Variants in DLAT observed in about 807,000 individuals in gnomAD.
DLAT encodes dihydrolipoamide S-acetyltransferase.
In DLAT, 43 loss-of-function variants were observed where a neutral mutation model predicts 68.0. The observed-to-expected ratio is 0.63, with a 90% confidence interval of 0.50 to 0.81. The LOEUF (loss-of-function observed/expected upper bound fraction) is 0.81, where lower values mean the gene tolerates loss of function less well. DLAT is among the 40% of genes least tolerant of loss of function. The pLI, the probability that DLAT is intolerant of heterozygous loss-of-function variation, is 0.00. For synonymous variants in DLAT, 265 were observed against 288.6 expected, an observed-to-expected ratio of 0.92 and a Z score of 0.83; for missense variants, 745 against 815.4, an observed-to-expected ratio of 0.91 and a Z score of 1.05.
At chr11:112,049,673 TAAC>T (rs1481227796) in intron 10 of DLAT, among the ~76,000 whole-genome samples, 3 of 152,050 alleles carry the variant, frequency 2.0e-5, no homozygotes, top group Non-Finnish European at 2.9e-5. Context: ...TCAATTGAGA[TAAC>T]AATTCATTTT....
chr11:112,040,698 T>C (rs1863009161), intron 7 of DLAT, among the ~76,000 whole-genome samples: 1 of 152,088 alleles, frequency 6.6e-6, no homozygotes, highest in Non-Finnish European at 1.5e-5. Context: ...TCCATCTTAA[T>C]GCCATTTCAG....
chr11:112,039,531 CAGA>C, intron 7 of DLAT, 134 bp downstream of exon 7: 1 of 941,380 alleles, frequency 1.1e-6, no homozygotes. Context: ...ATAATTCCTT[CAGA>C]AGGGAGAAAT....
At chr11:112,031,740 ATTTTTTTT>A (rs35661701) in intron 4 of DLAT, among the ~76,000 whole-genome samples, 1 of 133,500 alleles carries the variant, frequency 7.5e-6, no homozygotes, top group Non-Finnish European at 1.6e-5. Context: ...TGCCCAGCTA[ATTTTTTTT>A]TTTTTTTTTT....
chr11:112,052,472 C>G (rs1555182093), intron 11 of DLAT, among the ~76,000 whole-genome samples: 2 of 152,138 alleles, frequency 1.3e-5, no homozygotes, highest in East Asian at 1.9e-4. Flanking sequence ...CTTGCTAGGA[C>G]AATTCACAGA....
Position 112,064,242 on chromosome 11 carries a change from G to A in DLAT, c.*1707G>A, listed in dbSNP as rs377392036. On this transcript the variant is annotated 3_prime_UTR_variant, in exon 14 of 14. Transcript: ENST00000280346. ...GTTCCCTTGAAAAAAAATAAAAACA[G>A]TTGCCTTCTAATAAACATTGTTGAG... 2 of 1,544,680 alleles carry A rather than the reference G, an allele frequency of 1.3e-6. No individual in the cohort carries two copies. Among genetic ancestry groups the A allele is most frequent in the East Asian group, 4.7e-5 (2 of 42,808 alleles).
At chr11:112,027,448 C>T (rs1293809107) in intron 2 of DLAT, among the ~76,000 whole-genome samples, 20 of 150,452 alleles carry the variant, frequency 1.3e-4, no homozygotes, top group Admixed American at 1.3e-3. Context: ...TCCTCACGTC[C>T]CAGACGATGG....
In DLAT at chr11:112,026,206, G is replaced by A; in HGVS notation, c.288G>A (p.Leu96=). ...TTCTTTTCCTTTTCCAGGTTCCATT[G>A]CCTTCTCTTTCCCCCACAATGCAGG... ...YSLPPHQKVP[L]PSLSPTMQAG... Residue 96 remains leucine (L), a synonymous_variant, in exon 2 of 14, where the codon TTG becomes TTA. Coordinates refer to ENST00000280346, the MANE Select transcript of DLAT (RefSeq NM_001931.5). 2 of 1,609,574 alleles carry A rather than the reference G, an allele frequency of 1.2e-6. No individual in the cohort carries two copies. Among genetic ancestry groups the A allele is most frequent in the Non-Finnish European group, 1.7e-6 (2 of 1,178,034 alleles).
intron 4 of DLAT, among the ~76,000 whole-genome samples, chr11:112,030,816 G>A (rs1555179894): frequency 1.3e-5 from 2 of 152,098 alleles, no homozygotes; most frequent in African/African-American, 2.4e-5. Flanking sequence ...AGAAATTTTT[G>A]TATAGGAATC....
At chr11:112,061,376 A>T (rs1347393404) in intron 13 of DLAT, 4 of 587,592 alleles carry the variant, frequency 6.8e-6, no homozygotes, top group Non-Finnish European at 1.2e-5. Flanking sequence ...GACTTATAAT[A>T]ATACAATACC....
At chr11:112,058,194 G>C (rs774239346) in intron 11 of DLAT, among the ~76,000 whole-genome samples, 9 of 152,134 alleles carry the variant, frequency 5.9e-5, no homozygotes, top group Non-Finnish European at 1.3e-4. Flanking sequence ...GGATTCAGTG[G>C]TGAACAATAT....
Position 112,028,439 on chromosome 11 carries a change from AAAAAAAT to A in DLAT, c.382-75_382-69del. ...GTGTCTCAAAAAAAAAAAAAAAAAA[AAAAAAAT>A]TCTAGACACAAGCTAATAAATTACA... is the stretch of plus-strand genomic sequence containing the variant. On this transcript the variant is annotated intron_variant, in intron 2 of 13. Transcript: ENST00000280346. The A allele has an allele frequency of 6.7e-6, 10 of 1,500,674 alleles. No individual in the cohort carries two copies. In the African/African-American group the frequency reaches 8.5e-5, roughly 13 times the overall value. The allele number at this position is 1,500,674 out of a possible 1,614,324, so 93.0% of individuals were successfully genotyped here.
intron 5 of DLAT, among the ~76,000 whole-genome samples, chr11:112,034,768 C>G (rs1184935604): frequency 1.3e-5 from 2 of 150,828 alleles, no homozygotes; most frequent in African/African-American, 4.9e-5. Flanking sequence ...CTCTCTGCAC[C>G]CCCGCTTTTT....
At position 112,028,952 on chromosome 11, in the gene DLAT, C is replaced by T. The variant is rs1555179712; in HGVS notation, c.660+7C>T. 4 of 1,614,046 alleles carry T rather than the reference C, an allele frequency of 2.5e-6. No homozygotes were observed. Among genetic ancestry groups the T allele is most frequent in the Non-Finnish European group, 3.4e-6 (4 of 1,180,006 alleles). ...ATATCCCCCTCACATGCAGGTGAGG[C>T]TCAGCCTCTGAGTTTTTGCTCTAGG... is the stretch of plus-strand genomic sequence containing the variant. On this transcript the variant is annotated splice_region_variant and intron_variant, in intron 4 of 13. Coordinates refer to ENST00000280346, the MANE Select transcript of DLAT (RefSeq NM_001931.5).
In DLAT at chr11:112,028,858, G is replaced by C. The variant is rs1484028379; in HGVS notation, c.573G>C (p.Ala191=). ...CCTCAGCAGCACCTACCCCACAAGCGGCCCCAGCACCAACCCCTGCTGCCA... is the reference window on the plus strand; with the variant it reads ...CCTCAGCAGCACCTACCCCACAAGCCGCCCCAGCACCAACCCCTGCTGCCA... ...LDSSAAPTPQ[A]APAPTPAATA... is the part of the protein sequence containing the mutation. The change falls in exon 4 of 14, where the codon GCG becomes GCC. Residue 191 remains alanine, a synonymous_variant. Transcript: ENST00000280346. The C allele has an allele frequency of 1.9e-6, 3 of 1,613,954 alleles. No individual in the cohort carries two copies. Among genetic ancestry groups the C allele is most frequent in the Admixed American group, 1.7e-5 (1 of 59,982 alleles).
intron 11 of DLAT, among the ~76,000 whole-genome samples, chr11:112,057,944 A>C (rs1308778251): frequency 2.6e-5 from 4 of 152,174 alleles, no homozygotes; most frequent in Non-Finnish European, 5.9e-5. Flanking sequence ...ATGCTATTGC[A>C]CTCTTAGTAG....
chr11:112,028,650 C>T lies in DLAT; in HGVS notation c.506+11C>T, dbSNP rs77846695. ...TATCACAGTTGGCAAGTGAGTAGTG[C>T]GCTCATAATTTGTGGAACTTCATTG... is the stretch of plus-strand genomic sequence containing the variant. On this transcript the variant is annotated intron_variant, in intron 3 of 13. Transcript: ENST00000280346. The T allele has an allele frequency of 8.7e-4, 1,412 of 1,614,068 alleles. 8 individuals are homozygous for T. The Middle Eastern group carries it at 0.014, about 16-fold the overall frequency.
chr11:112,042,809 C>T lies in DLAT; in HGVS notation c.1130-657C>T, dbSNP rs115888078. Among the ~76,000 whole-genome samples, 736 of 152,228 alleles carry T rather than the reference C, an allele frequency of 4.8e-3. 6 individuals are homozygous for T. The highest frequency in any genetic ancestry group is 0.017 in the African/African-American group (703 of 41,542). On this transcript the variant is annotated intron_variant, in intron 7 of 13. Transcript: ENST00000280346. ...CCTTTTTCCTTCATTTCCTTTAACA[C>T]GGGCCAGTTTAGAGCCTTGGCTACT...
intron 4 of DLAT, among the ~76,000 whole-genome samples, chr11:112,030,699 TA>T (rs1862345260): frequency 6.6e-6 from 1 of 152,230 alleles, no homozygotes; most frequent in Admixed American, 6.5e-5. Context: ...GTATTAGGGT[TA>T]TCGTCTGTAT....
In DLAT at chr11:112,039,406, G is replaced by T. The variant is rs375360504; in HGVS notation, c.1129+9G>T. The T allele has an allele frequency of 6.2e-7, 1 of 1,613,628 alleles. No homozygotes were observed. ...TCTTACACAAGTAAAAGGTAAATCT[G>T]TTTCTATAGAATGGACTTTATAAAG... On this transcript the variant is annotated intron_variant, in intron 7 of 13. Transcript: ENST00000280346.
Sources: allele counts gnomAD v4.1 joint callset (sites outside exome capture counted in the v4.1 genomes callset), GRCh38; gene constraint gnomAD v4.1.1; transcripts MANE v1.5; gene names NCBI Gene and HGNC (gene_info 2026-07-23, HGNC 2026-07-21).